Variants in SMAP1 observed in about 807,000 individuals in gnomAD.
SMAP1 encodes small ArfGAP 1, also known as stromal membrane-associated protein 1.
Under a neutral mutation model 58.5 loss-of-function variants are expected in SMAP1, and 24 were observed. The ratio of observed to expected loss-of-function variants is 0.41; its 90% CI spans 0.30 to 0.58. The LOEUF (loss-of-function observed/expected upper bound fraction) is 0.58. Among genes scored for constraint, SMAP1 ranks in the 20% least tolerant of loss-of-function variants. SMAP1 has a pLI of 0.29. For missense variants in SMAP1, 563 were observed against 566.3 expected, an observed-to-expected ratio of 0.99 and a Z score of 0.06; for synonymous variants, 216 against 196.6, an observed-to-expected ratio of 1.10 and a Z score of -0.82.
chr6:70,730,074 CT>C (rs774371858), intron 1 of SMAP1, among the ~76,000 whole-genome samples: 57 of 152,284 alleles, frequency 3.7e-4, no homozygotes, highest in African/African-American at 1.2e-3. Context: ...CCTTCTCCCC[CT>C]GACCCTCCTT....
chr6:70,838,168 A>T (rs1554208799), intron 7 of SMAP1, among the ~76,000 whole-genome samples: 1 of 152,212 alleles, frequency 6.6e-6, no homozygotes, highest in Non-Finnish European at 1.5e-5. Flanking sequence ...GTAAAAAAAA[A>T]TCTTAGTAAA....
chr6:70,793,763 C>A (rs1175118545), intron 5 of SMAP1, among the ~76,000 whole-genome samples: 1 of 150,950 alleles, frequency 6.6e-6, no homozygotes, highest in East Asian at 1.9e-4. Flanking sequence ...CTCTTGTTGC[C>A]CATGTTGGAG....
chr6:70,860,662 TATC>T lies in SMAP1; in HGVS notation c.*331_*333del, dbSNP rs1230242572. 4.8e-6 allele frequency: 2 copies of T among 417,838 alleles called. No individual in the cohort carries two copies. The highest frequency in any genetic ancestry group is 8.4e-6 in the Non-Finnish European group (2 of 237,096). 25.9% of individuals were successfully genotyped at this position (417,838 alleles called of 1,614,324 possible). ...AATGTTTGCATATAAGGGAAGTAGT[TATC>T]ATGTTAGTAATACCTCTAATAGTAT... is the stretch of plus-strand genomic sequence containing the variant. On this transcript the variant is annotated 3_prime_UTR_variant, in exon 11 of 11. Transcript: ENST00000370455.
intron 6 of SMAP1, among the ~76,000 whole-genome samples, chr6:70,805,050 T>C (rs1418384128): frequency 6.6e-6 from 1 of 152,198 alleles, no homozygotes; most frequent in African/African-American, 2.4e-5. Flanking sequence ...TTGGCCTGTC[T>C]TGCTAGGTTG....
intron 2 of SMAP1, among the ~76,000 whole-genome samples, chr6:70,735,143 A>G (rs75806726): frequency 2.6e-4 from 40 of 152,268 alleles, no homozygotes; most frequent in African/African-American, 9.6e-4. Context: ...AAAAGAAAAA[A>G]CTTGACTTAT....
At chr6:70,803,449 T>C (rs540651880) in intron 6 of SMAP1, among the ~76,000 whole-genome samples, 3 of 152,324 alleles carry the variant, frequency 2.0e-5, no homozygotes, top group South Asian at 4.1e-4. Flanking sequence ...AAACCACTCC[T>C]GGATTCATTG....
chr6:70,852,455 A>C, intron 7 of SMAP1, 85 bp from the exon 8 acceptor site: 1 of 1,262,826 alleles, frequency 7.9e-7, no homozygotes, highest in East Asian at 2.8e-5. Context: ...TTTTTTTTTA[A>C]CCATATATCA....
chr6:70,762,935 G>A (rs986583990), intron 3 of SMAP1, among the ~76,000 whole-genome samples: 5 of 151,742 alleles, frequency 3.3e-5, no homozygotes, highest in Non-Finnish European at 7.4e-5. Flanking sequence ...AAAATTCACA[G>A]CAACATACAG....
chr6:70,822,023 A>G (rs117584675), intron 6 of SMAP1, among the ~76,000 whole-genome samples: 3,579 of 152,276 alleles, frequency 0.024, 51 homozygotes, highest in Non-Finnish European at 0.037. Context: ...TTCATTTCCT[A>G]GTTAATGAAA....
At chr6:70,749,091 G>T (rs751916132) in intron 2 of SMAP1, among the ~76,000 whole-genome samples, 6 of 152,042 alleles carry the variant, frequency 3.9e-5, no homozygotes, top group Non-Finnish European at 7.4e-5. Context: ...TAATTGACTC[G>T]GTTCCTCATG....
chr6:70,764,730 ATGT>A (rs1766889349), intron 3 of SMAP1, among the ~76,000 whole-genome samples: 1 of 152,194 alleles, frequency 6.6e-6, no homozygotes, highest in Non-Finnish European at 1.5e-5. Flanking sequence ...ATACACAAAC[ATGT>A]TGTTTCATGC....
chr6:70,695,937 C>T (rs1767384034), intron 1 of SMAP1, among the ~76,000 whole-genome samples: 1 of 152,170 alleles, frequency 6.6e-6, no homozygotes, highest in South Asian at 2.1e-4. Context: ...CTTTGTATTA[C>T]AGCTTCAATC....
At chr6:70,715,370 G>A (rs1239394190) in intron 1 of SMAP1, among the ~76,000 whole-genome samples, 1 of 151,742 alleles carries the variant, frequency 6.6e-6, no homozygotes, top group Non-Finnish European at 1.5e-5. Context: ...GGGATTATGG[G>A]CATGAGCCAC....
intron 3 of SMAP1, among the ~76,000 whole-genome samples, chr6:70,766,546 T>C (rs1766995037): frequency 6.6e-6 from 1 of 152,188 alleles, no homozygotes; most frequent in South Asian, 2.1e-4. Context: ...AATGTCTTCT[T>C]TTGAGAAGTG....
chr6:70,847,624 A>G (rs1771041898), intron 7 of SMAP1, among the ~76,000 whole-genome samples: 3 of 151,996 alleles, frequency 2.0e-5, no homozygotes, highest in South Asian at 2.1e-4. Flanking sequence ...TTTGTGCTTC[A>G]TTATCATTCT....
At chr6:70,806,434 G>A (rs1276636253) in intron 6 of SMAP1, among the ~76,000 whole-genome samples, 1 of 152,172 alleles carries the variant, frequency 6.6e-6, no homozygotes, top group Non-Finnish European at 1.5e-5. Context: ...GGCTAGGAAA[G>A]GGAAATCCGT....
intron 4 of SMAP1, among the ~76,000 whole-genome samples, chr6:70,775,852 T>C (rs1041700354): frequency 6.6e-6 from 1 of 152,158 alleles, no homozygotes; most frequent in African/African-American, 2.4e-5. Flanking sequence ...ATAAATAAGT[T>C]TATATTGTAG....
At chr6:70,795,311 A>G (rs563730611) in intron 5 of SMAP1, among the ~76,000 whole-genome samples, 19 of 152,214 alleles carry the variant, frequency 1.2e-4, no homozygotes, top group Admixed American at 5.2e-4. Flanking sequence ...CTTCTTGAGA[A>G]ATAACTGTCT....
intron 4 of SMAP1, among the ~76,000 whole-genome samples, chr6:70,783,151 C>T (rs995357955): frequency 1.1e-4 from 17 of 152,138 alleles, no homozygotes; most frequent in Non-Finnish European, 1.9e-4. Context: ...CTACAGCCAC[C>T]GCTTTCCTGT....
Sources: gnomAD v4.1 joint callset for allele counts (sites outside exome capture counted in the v4.1 genomes callset) on GRCh38, gnomAD v4.1.1 for gene constraint, MANE v1.5 for transcripts, NCBI Gene and HGNC (gene_info 2026-07-23, HGNC 2026-07-21) for gene names.